KCTD16: variants seen among roughly 807,000 people sequenced by gnomAD.
The protein encoded by KCTD16 is potassium channel tetramerization domain containing 16.
Under a neutral mutation model 33.2 loss-of-function variants are expected in KCTD16, and 13 were observed. The ratio of observed to expected loss-of-function variants is 0.39; its 90% CI spans 0.25 to 0.62. The LOEUF is 0.62. KCTD16 is among the 20% of genes least tolerant of loss of function. The probability of loss-of-function intolerance (pLI) is 0.50; values close to 1 mark genes in which losing one functional copy is unlikely to be tolerated. For synonymous variants in KCTD16, 197 were observed against 195.3 expected (o/e 1.01, Z -0.07); for missense variants, 441 against 525.1 (o/e 0.84, Z 1.57).
chr5:144,409,930 A>G (rs2126952983), intron 3 of KCTD16, among the ~76,000 whole-genome samples: 1 of 152,338 alleles, frequency 6.6e-6, no homozygotes, highest in Non-Finnish European at 1.5e-5. Flanking sequence ...AGGGCATCTA[A>G]TGCGAATATG....
chr5:144,280,363 A>G (rs773794383), intron 3 of KCTD16, among the ~76,000 whole-genome samples: 2 of 152,164 alleles, frequency 1.3e-5, no homozygotes, highest in Non-Finnish European at 2.9e-5. Flanking sequence ...AAATAGCTAT[A>G]TAACTATTAT....
chr5:144,428,363 T>A (rs757679110), intron 3 of KCTD16, among the ~76,000 whole-genome samples: 1 of 152,198 alleles, frequency 6.6e-6, no homozygotes, highest in Non-Finnish European at 1.5e-5. Flanking sequence ...CATTTGTCAT[T>A]TTTTATACCA....
At chr5:144,344,528 TC>T (rs1340307185) in intron 3 of KCTD16, among the ~76,000 whole-genome samples, 1 of 151,094 alleles carries the variant, frequency 6.6e-6, no homozygotes, top group Non-Finnish European at 1.5e-5. Flanking sequence ...AACAACCCCA[TC>T]AAAAAGTGGG....
intron 3 of KCTD16, among the ~76,000 whole-genome samples, chr5:144,413,327 T>C (rs1488969233): frequency 6.6e-6 from 1 of 152,196 alleles, no homozygotes; most frequent in Non-Finnish European, 1.5e-5. Flanking sequence ...ATCTCAGACT[T>C]TAGCCTCTAA....
At chr5:144,412,288 G>A (rs1248655988) in intron 3 of KCTD16, among the ~76,000 whole-genome samples, 2 of 152,128 alleles carry the variant, frequency 1.3e-5, no homozygotes, top group African/African-American at 4.8e-5. Context: ...TCATCAGTGG[G>A]TAAATGGATA....
In KCTD16 at chr5:144,485,326, A is replaced by C. The variant is rs1276044347; in HGVS notation, c.*11212A>C. 1 of 151,570 alleles carries C rather than the reference A, an allele frequency of 6.6e-6. No individual in the cohort carries two copies. The highest frequency in any genetic ancestry group is 6.6e-5 in the Admixed American group (1 of 15,186). 9.4% of individuals were successfully genotyped at this position (151,570 alleles called of 1,614,324 possible). ...TATATACATACATATCTATGTATGC[A>C]ATATCTACACTGCGAATTACTACCA... On this transcript the variant is annotated 3_prime_UTR_variant, in exon 4 of 4. Transcript: ENST00000512467.
At chr5:144,192,088 G>T (rs1300804788) in intron 2 of KCTD16, among the ~76,000 whole-genome samples, 1 of 152,124 alleles carries the variant, frequency 6.6e-6, no homozygotes, top group East Asian at 1.9e-4. Flanking sequence ...CTGACTTTGG[G>T]AGCTTAAGAC....
At chr5:144,292,216 C>T (rs187704344) in intron 3 of KCTD16, among the ~76,000 whole-genome samples, 67 of 152,282 alleles carry the variant, frequency 4.4e-4, no homozygotes, top group Non-Finnish European at 8.7e-4. Context: ...TGGCAGTGTT[C>T]CTGCAAACCC....
chr5:144,321,253 T>G (rs1364402943), intron 3 of KCTD16, among the ~76,000 whole-genome samples: 1 of 152,156 alleles, frequency 6.6e-6, no homozygotes, highest in Admixed American at 6.5e-5. Flanking sequence ...GGAAACCTTG[T>G]TTTCTAGAAT....
At chr5:144,387,593 C>T (rs1752352930) in intron 3 of KCTD16, among the ~76,000 whole-genome samples, 1 of 152,058 alleles carries the variant, frequency 6.6e-6, no homozygotes, top group African/African-American at 2.4e-5. Flanking sequence ...AGAAATTAAC[C>T]ACCCTCTAAG....
chr5:144,206,638 T>C lies in KCTD16; in HGVS notation c.-77T>C. On this transcript the variant is annotated 5_prime_UTR_variant, in exon 3 of 4. Coordinates refer to ENST00000512467, the MANE Select transcript of KCTD16 (RefSeq NM_020768.4). ...AGCATCCTTTTCCCTTTCTTACAAG[T>C]TGATCCAAAGGATAAGGCTGTGACT... 1 of 1,234,992 alleles carries C rather than the reference T, an allele frequency of 8.1e-7. No individual in the cohort carries two copies. Among genetic ancestry groups the C allele is most frequent in the South Asian group, 1.5e-5 (1 of 68,660 alleles). 76.5% of individuals were successfully genotyped at this position (1,234,992 alleles called of 1,614,324 possible). A position where few individuals can be genotyped will look rare whatever the true frequency, so the allele number is the denominator to read the frequency against.
chr5:144,467,039 TATA>T (rs1195151498), intron 3 of KCTD16, among the ~76,000 whole-genome samples: 1 of 59,840 alleles, frequency 1.7e-5, no homozygotes, highest in African/African-American at 4.9e-5. Context: ...ATATATTATA[TATA>T]ATATATATAA....
chr5:144,287,153 T>C (rs1755767810), intron 3 of KCTD16, among the ~76,000 whole-genome samples: 1 of 152,236 alleles, frequency 6.6e-6, no homozygotes, highest in South Asian at 2.1e-4. Flanking sequence ...GGAGGTTAGA[T>C]GGAAACATCC....
intron 3 of KCTD16, among the ~76,000 whole-genome samples, chr5:144,360,551 C>T (rs533027734): frequency 2.6e-4 from 40 of 152,106 alleles, no homozygotes; most frequent in South Asian, 1.2e-3. Flanking sequence ...TCTGCCTCAG[C>T]CTCCCAAGTA....
At chr5:144,220,737 C>A (rs2910105) in intron 3 of KCTD16, among the ~76,000 whole-genome samples, 1 of 151,904 alleles carries the variant, frequency 6.6e-6, no homozygotes. Context: ...GTCAGGAGAT[C>A]GAGACCATCC....
chr5:144,285,173 A>G (rs1418863861), intron 3 of KCTD16, among the ~76,000 whole-genome samples: 1 of 152,210 alleles, frequency 6.6e-6, no homozygotes, highest in African/African-American at 2.4e-5. Flanking sequence ...GAGACCAGAG[A>G]CTGAAGTAAG....
At chr5:144,205,287 C>T (rs920937136) in intron 2 of KCTD16, 3 of 346,640 alleles carry the variant, frequency 8.7e-6, no homozygotes, top group Admixed American at 4.8e-5. Context: ...CCGAGGAGGA[C>T]GTGACTCGGA....
At chr5:144,210,139 G>A (rs1753329911) in intron 3 of KCTD16, among the ~76,000 whole-genome samples, 1 of 151,718 alleles carries the variant, frequency 6.6e-6, no homozygotes, top group African/African-American at 2.4e-5. Context: ...GAAAAATTGG[G>A]GAGACCGAAA....
chr5:144,389,303 G>A lies in KCTD16; in HGVS notation c.833-84357G>A, dbSNP rs1281247431. 2.6e-5 allele frequency among the ~76,000 whole-genome samples: 4 copies of A among 152,142 alleles called. No individual in the cohort carries two copies. In the East Asian group the frequency reaches 7.7e-4, roughly 29 times the overall value. On this transcript the variant is annotated intron_variant, in intron 3 of 3. Transcript: ENST00000512467. Reference sequence around the variant, plus strand: ...GGTGAATGGCAGATTAGCAAGTGAAGTTTCATCTGTGTTTACAGCTGCTCC... The same window carrying A: ...GGTGAATGGCAGATTAGCAAGTGAAATTTCATCTGTGTTTACAGCTGCTCC...
Sources: allele counts gnomAD v4.1 joint callset (sites outside exome capture counted in the v4.1 genomes callset), GRCh38; gene constraint gnomAD v4.1.1; transcripts MANE v1.5; gene names NCBI Gene and HGNC (gene_info 2026-07-23, HGNC 2026-07-21).